The following RNF214 variants were observed in gnomAD, a reference collection of about 807,000 sequenced individuals.
RNF214 encodes ring finger protein 214.
A neutral mutation model predicts 75.9 loss-of-function variants in RNF214; 25 were observed. The observed-to-expected ratio is 0.33, with a 90% confidence interval of 0.24 to 0.46. The LOEUF is 0.46. RNF214 is among the 20% of genes least tolerant of loss of function. The pLI, the probability that RNF214 is intolerant of heterozygous loss-of-function variation, is 1.00. For missense variants in RNF214, 725 were observed against 857.5 expected (o/e 0.85, Z 1.93); for synonymous variants, 314 against 308.8 (o/e 1.02, Z -0.18).
chr11:117,258,938 C>G (rs1241651942), intron 6 of RNF214, among the ~76,000 whole-genome samples: 1 of 152,082 alleles, frequency 6.6e-6, no homozygotes, highest in Non-Finnish European at 1.5e-5. Flanking sequence ...TCCGTTTTTA[C>G]TGTGTTTATT....
chr11:117,233,573 T>C (rs1170740609), intron 1 of RNF214, among the ~76,000 whole-genome samples: 1 of 152,238 alleles, frequency 6.6e-6, no homozygotes, highest in Non-Finnish European at 1.5e-5. Flanking sequence ...TTTTGATTTT[T>C]AAAAAAGGCG....
chr11:117,252,770 T>G (rs563524354), intron 6 of RNF214, among the ~76,000 whole-genome samples: 1 of 152,344 alleles, frequency 6.6e-6, no homozygotes, highest in Non-Finnish European at 1.5e-5. Context: ...TCCGCCCGCC[T>G]TGGCCTCCCA....
In RNF214 at chr11:117,244,533, T is replaced by C. The variant is rs1167479388; in HGVS notation, c.767T>C (p.Val256Ala). ...KQRQVENQLQVQLKQLQQRRE... is the reference protein window; with the variant it reads ...KQRQVENQLQAQLKQLQQRRE... ...AGGCAAGTGGAGAATCAGCTCCAAGTGCAATTAAAGCAGCTTCAGCAAAGG... is the reference window on the plus strand; with the variant it reads ...AGGCAAGTGGAGAATCAGCTCCAAGCGCAATTAAAGCAGCTTCAGCAAAGG... The change falls in exon 5 of 15, where the codon GTG (valine) becomes GCG (alanine). Residue 256 changes from valine (V) to alanine (A), a missense_variant. Val to Ala is a moderately conservative substitution (Grantham distance 64). Coordinates refer to ENST00000300650, the MANE Select transcript of RNF214 (RefSeq NM_207343.4). 5 of 1,612,784 alleles carry C rather than the reference T, an allele frequency of 3.1e-6. No homozygotes were observed. Among genetic ancestry groups the C allele is most frequent in the Non-Finnish European group, 4.2e-6 (5 of 1,179,536 alleles).
chr11:117,239,102 T>A lies in RNF214; in HGVS notation c.609T>A (p.Ile203=), dbSNP rs1318569627. The change falls in exon 3 of 15, where the codon ATT becomes ATA. Residue 203 remains isoleucine (I), a synonymous_variant. Transcript: ENST00000300650. ...DSSSLKLSQN[I]AVQTDFKTAD... ...CTTCCCTGAAGCTTTCTCAGAACAT[T>A]GCTGTACAGGTCAAGTGTCAAGTTT... is the stretch of plus-strand genomic sequence containing the variant. 6.2e-7 allele frequency: 1 copy of A among 1,609,248 alleles called. No individual in the cohort carries two copies. Among genetic ancestry groups the A allele is most frequent in the East Asian group, 2.2e-5 (1 of 44,826 alleles).
At position 117,270,549 on chromosome 11, in the gene RNF214, T is replaced by C. The variant is rs111967150; in HGVS notation, c.960-9359T>C. Among the ~76,000 whole-genome samples the C allele has an allele frequency of 6.6e-3, 999 of 151,630 alleles. 17 individuals are homozygous for C. The highest frequency in any genetic ancestry group is 0.023 in the African/African-American group (963 of 41,320). ...CGGGTTCAAGCAGTTCTGTCTGCCT[T>C]AGCCCCCCACTCCCCCACCCCCCCG... On this transcript the variant is annotated intron_variant, in intron 6 of 14. Coordinates refer to ENST00000300650, the MANE Select transcript of RNF214 (RefSeq NM_207343.4).
At chr11:117,248,125 G>C (rs2033276744) in intron 6 of RNF214, among the ~76,000 whole-genome samples, 2 of 151,974 alleles carry the variant, frequency 1.3e-5, no homozygotes. Flanking sequence ...CCCCAGGCTG[G>C]AGTGCAGTGG....
At chr11:117,275,476 G>A (rs185190378) in intron 6 of RNF214, among the ~76,000 whole-genome samples, 206 of 152,226 alleles carry the variant, frequency 1.4e-3, no homozygotes, top group African/African-American at 4.7e-3. Flanking sequence ...TCTTTGAAAC[G>A]ATAAGCAAAA....
At chr11:117,233,825 A>G (rs2032816172) in intron 1 of RNF214, among the ~76,000 whole-genome samples, 1 of 152,200 alleles carries the variant, frequency 6.6e-6, no homozygotes, top group African/African-American at 2.4e-5. Flanking sequence ...ACTTCCCTTA[A>G]ATTAATGGAG....
At chr11:117,252,440 A>G (rs1640905076) in intron 6 of RNF214, among the ~76,000 whole-genome samples, 2 of 152,170 alleles carry the variant, frequency 1.3e-5, no homozygotes, top group Admixed American at 1.3e-4. Flanking sequence ...CTTTGATAAG[A>G]TGTCTTATCT....
chr11:117,233,169 T>G lies in RNF214; in HGVS notation c.-7+443T>G, dbSNP rs2032774169. 2.6e-5 allele frequency among the ~76,000 whole-genome samples: 4 copies of G among 152,316 alleles called. No homozygotes were observed. In the South Asian group the frequency reaches 6.2e-4, roughly 24 times the overall value. ...AGCTGTTCCTACCCGCGCCACGGGC[T>G]CTCTAGCCACGGAGTTGCATGCATG... On this transcript the variant is annotated intron_variant, in intron 1 of 14. Transcript: ENST00000300650.
At chr11:117,240,580 C>T (rs1468102397) in intron 4 of RNF214, among the ~76,000 whole-genome samples, 3 of 150,614 alleles carry the variant, frequency 2.0e-5, no homozygotes, top group South Asian at 2.1e-4. Flanking sequence ...CCCAGCTACT[C>T]GGGAGGCTGA....
chr11:117,277,691 GC>G (rs1381339213), intron 6 of RNF214, among the ~76,000 whole-genome samples: 1 of 152,308 alleles, frequency 6.6e-6, no homozygotes, highest in East Asian at 1.9e-4. Context: ...AAAAGTGGGG[GC>G]CAGGCGTGGT....
At position 117,281,826 on chromosome 11, in the gene RNF214, C is replaced by A. The variant is rs2034133270; in HGVS notation, c.1336-68C>A. 1.9e-6 allele frequency: 3 copies of A among 1,565,148 alleles called. No individual in the cohort carries two copies. In the African/African-American group the frequency reaches 4.1e-5, roughly 21 times the overall value. On this transcript the variant is annotated intron_variant, in intron 10 of 14. Coordinates refer to ENST00000300650, the MANE Select transcript of RNF214 (RefSeq NM_207343.4). ...CAGTGCAAGAGTTGTTCATTGATGT[C>A]TTCTCCAGTTTCCTAAACTTTCTTT...
At chr11:117,262,656 A>G (rs1329463038) in intron 6 of RNF214, among the ~76,000 whole-genome samples, 11 of 151,790 alleles carry the variant, frequency 7.2e-5, no homozygotes, top group Non-Finnish European at 1.6e-4. Flanking sequence ...TGCTGAGATT[A>G]CAAGCGTGAG....
chr11:117,249,311 T>G (rs605531), intron 6 of RNF214, among the ~76,000 whole-genome samples: 65,900 of 151,932 alleles, frequency 0.43, 14,914 homozygotes, highest in East Asian at 0.65. Context: ...CTACTACCTT[T>G]TCCATCTGAT....
intron 5 of RNF214, among the ~76,000 whole-genome samples, chr11:117,246,217 G>T (rs918706551): frequency 1.3e-5 from 2 of 151,800 alleles, no homozygotes; most frequent in African/African-American, 4.8e-5. Flanking sequence ...TCCTGCCTTG[G>T]GTTCCCAAAG....
At chr11:117,236,693 T>C (rs2032921457) in intron 2 of RNF214, among the ~76,000 whole-genome samples, 1 of 152,222 alleles carries the variant, frequency 6.6e-6, no homozygotes, top group Non-Finnish European at 1.5e-5. Context: ...GTGATAATAT[T>C]ATTCGCATTT....
intron 6 of RNF214, among the ~76,000 whole-genome samples, chr11:117,264,907 T>C (rs1296550550): frequency 6.7e-6 from 1 of 148,184 alleles, no homozygotes; most frequent in African/African-American, 2.5e-5. Context: ...CTACTAAAAA[T>C]AAAAAAAAAA....
chr11:117,282,503 G>A lies in RNF214; in HGVS notation c.1812G>A (p.Leu604=). 1.2e-6 allele frequency: 2 copies of A among 1,614,158 alleles called. No individual in the cohort carries two copies. The highest frequency in any genetic ancestry group is 1.7e-6 in the Non-Finnish European group (2 of 1,180,028). ...TTATCCAGTTGGTTGCTGCACGACT[G>A]GCAGAACATGAGCGGGTGGCAGCAA... ...EELIQLVAAR[L]AEHERVAAST... The change falls in exon 12 of 15, where the codon CTG becomes CTA. Residue 604 remains leucine (L), a synonymous_variant. Transcript: ENST00000300650.
Sources: allele counts gnomAD v4.1 joint callset (sites outside exome capture counted in the v4.1 genomes callset), GRCh38; gene constraint gnomAD v4.1.1; transcripts MANE v1.5; gene names NCBI Gene and HGNC (gene_info 2026-07-23, HGNC 2026-07-21).